The following EPB42 variants were observed in gnomAD, a reference collection of about 807,000 sequenced individuals.
EPB42 encodes protein 4.2.
A neutral mutation model predicts 76.9 loss-of-function variants in EPB42; 49 were observed. The observed-to-expected ratio is 0.64, with a 90% CI of 0.51 to 0.81. EPB42 has a LOEUF of 0.81. Ranked by LOEUF, EPB42 falls within the 30% of genes least tolerant of loss-of-function variation. EPB42 has a pLI of 0.00. For missense variants in EPB42, 731 were observed against 867.6 expected (o/e 0.84, Z 1.98); for synonymous variants, 310 against 338.4 (o/e 0.92, Z 0.92).
intron 1 of EPB42, among the ~76,000 whole-genome samples, chr15:43,218,937 G>A (rs752560116): frequency 6.6e-6 from 1 of 151,980 alleles, no homozygotes; most frequent in Admixed American, 6.5e-5. Flanking sequence ...TGTTAACCCG[G>A]AGATCATGTG....
Position 43,206,041 on chromosome 15 carries a change from A to G in EPB42, c.1618+289T>C. On this transcript the variant is annotated intron_variant, in intron 10 of 12. Transcript: ENST00000441366. The surrounding 1 kb of genome is among the most constrained non-coding windows in gnomAD (Gnocchi z 4.7). Reference sequence around the variant, plus strand: ...GGGCAGCTTATTCCAGCCTGGGGGGAGGTGCTCTCCTGCCACTGTACTCTG... The same window carrying G: ...GGGCAGCTTATTCCAGCCTGGGGGGGGGTGCTCTCCTGCCACTGTACTCTG... The G allele has an allele frequency of 6.0e-6, 2 of 332,032 alleles. No individual in the cohort carries two copies. The highest frequency in any genetic ancestry group is 4.9e-5 in the East Asian group (1 of 20,328). The allele number at this position is 332,032 out of a possible 1,614,324, so 20.6% of individuals were successfully genotyped here.
chr15:43,204,628 C>G (rs757202317), intron 10 of EPB42, among the ~76,000 whole-genome samples: 9 of 152,184 alleles, frequency 5.9e-5, no homozygotes, highest in Non-Finnish European at 1.3e-4. Flanking sequence ...AAACCAGAAG[C>G]ACCCACCACA....
chr15:43,220,665 C>T, intron 1 of EPB42, 151 bp downstream of exon 1: 1 of 1,143,318 alleles, frequency 8.7e-7, no homozygotes, highest in South Asian at 1.3e-5. Flanking sequence ...CCCCCACAGC[C>T]ACCTCATTAT....
chr15:43,211,090 A>G (rs1596412614), intron 4 of EPB42, among the ~76,000 whole-genome samples: 1 of 152,244 alleles, frequency 6.6e-6, no homozygotes, highest in East Asian at 1.9e-4. Flanking sequence ...GAGTTGGAAC[A>G]TGGGGCGGTT....
At position 43,210,670 on chromosome 15, in the gene EPB42, A is replaced by G. The variant is rs520656; in HGVS notation, c.550-231T>C. Among the ~76,000 whole-genome samples, 9,873 of 151,756 alleles carry G rather than the reference A, an allele frequency of 0.065. 486 individuals are homozygous for G. Among genetic ancestry groups the G allele is most frequent in the Non-Finnish European group, 0.099 (6,701 of 67,896 alleles). Reference sequence around the variant, plus strand: ...TTCCCAGGCATCCAGTCCTTTGCCTATCTGTTGTCTGACTCCCGGTAGGGT... The same window carrying G: ...TTCCCAGGCATCCAGTCCTTTGCCTGTCTGTTGTCTGACTCCCGGTAGGGT... On this transcript the variant is annotated intron_variant, in intron 4 of 12. Coordinates refer to ENST00000441366, the MANE Select transcript of EPB42 (RefSeq NM_001114134.2).
At chr15:43,215,026 C>T (rs1238290765) in intron 3 of EPB42, 69 bp downstream of exon 3, 1 of 1,383,840 alleles carries the variant, frequency 7.2e-7, no homozygotes, top group Non-Finnish European at 1.0e-6. Flanking sequence ...TGCTCCCTGC[C>T]AGAGCTGCAC....
intron 3 of EPB42, among the ~76,000 whole-genome samples, chr15:43,213,649 T>C (rs768527835): frequency 2.2e-4 from 33 of 152,324 alleles, no homozygotes; most frequent in Middle Eastern, 3.4e-3. Flanking sequence ...GGTACACCAA[T>C]GCCTCAGCTT....
Position 43,206,154 on chromosome 15 carries a change from A to G in EPB42, c.1618+176T>C. 1 of 667,188 alleles carries G rather than the reference A, an allele frequency of 1.5e-6. No homozygotes were observed. The highest frequency in any genetic ancestry group is 2.4e-6 in the Non-Finnish European group (1 of 413,656). 41.3% of individuals were successfully genotyped at this position (667,188 alleles called of 1,614,324 possible). ...TGGCATCGTGTTTTTTTCCTGCTTC[A>G]GGCCCAATAAATATGTGTTGAATGA... is the stretch of plus-strand genomic sequence containing the variant. On this transcript the variant is annotated intron_variant, in intron 10 of 12. Transcript: ENST00000441366. The surrounding 1 kb of genome is among the most constrained non-coding windows in gnomAD (Gnocchi z 4.7).
At chr15:43,200,654 C>A (rs1349807944) in intron 12 of EPB42, among the ~76,000 whole-genome samples, 1 of 152,040 alleles carries the variant, frequency 6.6e-6, no homozygotes, top group Non-Finnish European at 1.5e-5. Flanking sequence ...TGGGTATTGC[C>A]AGGAATGAAG....
chr15:43,218,100 G>A (rs1460837424), intron 1 of EPB42, among the ~76,000 whole-genome samples: 3 of 152,058 alleles, frequency 2.0e-5, no homozygotes, highest in Admixed American at 6.6e-5. Flanking sequence ...GTAGCCATGG[G>A]GAGGCTGGGA....
chr15:43,202,662 T>A (rs955819035), intron 11 of EPB42, among the ~76,000 whole-genome samples: 2 of 152,204 alleles, frequency 1.3e-5, no homozygotes, highest in Non-Finnish European at 2.9e-5. Flanking sequence ...GGTAGACACA[T>A]GGAAAGAGGG....
rs368009876 is a variant in EPB42 at position 43,208,662 on chromosome 15, C to T, written c.946G>A (p.Gly316Arg). The T allele has an allele frequency of 5.6e-6, 9 of 1,614,012 alleles. No homozygotes were observed. Among genetic ancestry groups the T allele is most frequent in the South Asian group, 2.2e-5 (2 of 91,084 alleles). The change falls in exon 7 of 13, where the codon GGA becomes AGA. Residue 316 changes from glycine (G) to arginine (R), a missense_variant. Gly to Arg is a moderately radical substitution (Grantham distance 125). Transcript: ENST00000441366. ...EYYNEEGLQNGEGQRGRIWIF... is the reference protein window; with the variant it reads ...EYYNEEGLQNREGQRGRIWIF... ...CAGATTCTGCCTCTCTGGCCTTCTC[C>T]GTTCTGAAGTCCCTCCTCATTATAG...
upstream of EPB42, chr15:43,221,109 G>A (rs1265833100): frequency 1.5e-5 from 7 of 456,316 alleles, no homozygotes; most frequent in South Asian, 6.2e-5. Context: ...GCAGGAATAC[G>A]CCTGGCAGCC....
At chr15:43,224,590 T>G (rs939946295), upstream of EPB42, among the ~76,000 whole-genome samples, 1 of 152,162 alleles carries the variant, frequency 6.6e-6, no homozygotes, top group Non-Finnish European at 1.5e-5. Context: ...AAAATGAAAT[T>G]TATACAAGTA....
chr15:43,198,279 C>T (rs767266812), intron 12 of EPB42, among the ~76,000 whole-genome samples: 4 of 152,136 alleles, frequency 2.6e-5, no homozygotes, highest in Non-Finnish European at 5.9e-5. Flanking sequence ...AGAGACTTGT[C>T]GCATAGCTTT....
chr15:43,214,618 G>C (rs568806926), intron 3 of EPB42, among the ~76,000 whole-genome samples: 1 of 152,252 alleles, frequency 6.6e-6, no homozygotes. Context: ...TTCTTAAAGA[G>C]GGTCCCCCAG....
At chr15:43,199,084 C>A (rs894904239) in intron 12 of EPB42, among the ~76,000 whole-genome samples, 1 of 152,232 alleles carries the variant, frequency 6.6e-6, no homozygotes, top group Non-Finnish European at 1.5e-5. Context: ...TAGGGCAGTG[C>A]AGAAGGCAAA....
chr15:43,220,562 C>T (rs1249186466), intron 1 of EPB42, among the ~76,000 whole-genome samples: 1 of 152,000 alleles, frequency 6.6e-6, no homozygotes, highest in South Asian at 2.1e-4. Context: ...ATCACCATCA[C>T]CTCCGCCTCC....
intron 10 of EPB42, among the ~76,000 whole-genome samples, chr15:43,205,311 A>G (rs1182745754): frequency 6.6e-6 from 1 of 152,214 alleles, no homozygotes; most frequent in Non-Finnish European, 1.5e-5. Flanking sequence ...AATGCTGTAG[A>G]CAAGCTCTCG....
Sources: allele counts gnomAD v4.1 joint callset (sites outside exome capture counted in the v4.1 genomes callset), GRCh38; gene constraint gnomAD v4.1.1; non-coding constraint Gnocchi (gnomAD v3.1); transcripts MANE v1.5; gene names NCBI Gene and HGNC (gene_info 2026-07-23, HGNC 2026-07-21).